The following SAXO1 variants were observed in gnomAD, a reference collection of about 807,000 sequenced individuals.
SAXO1 encodes 4930500O09Rik.
Under a neutral mutation model 17.5 loss-of-function variants are expected in SAXO1, and 21 were observed. The observed-to-expected ratio is 1.20, with a 90% confidence interval of 0.85 to 1.72. The LOEUF (loss-of-function observed/expected upper bound fraction) is 1.72. SAXO1 is among the 40% of genes most tolerant of loss of function. The pLI is 0.00. For missense variants in SAXO1, 843 were observed against 596.0 expected, an observed-to-expected ratio of 1.41 and a Z score of -4.32; for synonymous variants, 274 against 216.5, an observed-to-expected ratio of 1.27 and a Z score of -2.33.
chr9:18,935,106 C>T lies in SAXO1; in HGVS notation c.422-6051G>A, dbSNP rs1831229435. Among the ~76,000 whole-genome samples the T allele has an allele frequency of 2.6e-5, 4 of 152,000 alleles. No individual in the cohort carries two copies. The South Asian group carries it at 8.3e-4, about 32-fold the overall frequency. ...CCACACCCAGATAATTTATTGTTTT[C>T]TTTTTTTGTATTTTTACAAAAAAAT... On this transcript the variant is annotated intron_variant, in intron 3 of 3. Transcript: ENST00000380534.
intron 1 of SAXO1, among the ~76,000 whole-genome samples, chr9:19,016,111 C>T (rs1834963249): frequency 6.6e-6 from 1 of 152,164 alleles, no homozygotes; most frequent in South Asian, 2.1e-4. Context: ...AAGATCCATT[C>T]CTGTGATAAA....
At chr9:18,993,612 T>C (rs1833897147) in intron 1 of SAXO1, among the ~76,000 whole-genome samples, 1 of 152,176 alleles carries the variant, frequency 6.6e-6, no homozygotes. Flanking sequence ...AGCACAGCTT[T>C]TATTTCCATT....
chr9:19,046,103 A>AG (rs1406822108), intron 1 of SAXO1, among the ~76,000 whole-genome samples: 1 of 150,566 alleles, frequency 6.6e-6, no homozygotes, highest in Non-Finnish European at 1.5e-5. Flanking sequence ...AAAAAAAAAA[A>AG]GGAGAACATA....
At chr9:18,933,694 A>T (rs1317436965) in intron 3 of SAXO1, among the ~76,000 whole-genome samples, 1 of 152,184 alleles carries the variant, frequency 6.6e-6, no homozygotes, top group East Asian at 1.9e-4. Flanking sequence ...AAAACTGTGA[A>T]TATGCAACCA....
At chr9:18,935,073 G>A (rs753717929) in intron 3 of SAXO1, among the ~76,000 whole-genome samples, 2 of 152,030 alleles carry the variant, frequency 1.3e-5, no homozygotes, top group Non-Finnish European at 2.9e-5. Flanking sequence ...GATTACAGGC[G>A]TCCACCACCA....
At chr9:18,977,993 C>CAAAAAAAAAAA (rs371914686) in intron 1 of SAXO1, among the ~76,000 whole-genome samples, 2 of 98,652 alleles carry the variant, frequency 2.0e-5, no homozygotes, top group African/African-American at 8.4e-5. Flanking sequence ...GAGACCCTGC[C>CAAAAAAAAAAA]AAAAAAAAAA....
intron 1 of SAXO1, among the ~76,000 whole-genome samples, chr9:19,008,744 A>G (rs1421639027): frequency 6.6e-6 from 1 of 152,236 alleles, no homozygotes; most frequent in Non-Finnish European, 1.5e-5. Context: ...CTATGACGAC[A>G]CTGGATAAGA....
chr9:18,929,099 A>G, intron 3 of SAXO1, 44 bp from the exon 4 acceptor site: 1 of 1,592,422 alleles, frequency 6.3e-7, no homozygotes, highest in South Asian at 1.2e-5. Context: ...AATCAAGTCA[A>G]CCAACTTGCA....
intron 1 of SAXO1, among the ~76,000 whole-genome samples, chr9:18,966,108 T>C (rs1012381613): frequency 2.2e-4 from 33 of 152,226 alleles, no homozygotes; most frequent in African/African-American, 7.5e-4. Flanking sequence ...TCTGCAGAGA[T>C]CTGCTGTTAG....
chr9:18,989,228 C>T (rs1833708265), intron 1 of SAXO1, among the ~76,000 whole-genome samples: 3 of 152,168 alleles, frequency 2.0e-5, no homozygotes, highest in South Asian at 4.1e-4. Flanking sequence ...CAAAACAGAA[C>T]ATTCGATGCC....
rs779323254 is a variant in SAXO1, at chr9:18,928,540, A to C, written c.937T>G (p.Cys313Gly). Residue 313 changes from cysteine to glycine, a missense_variant, in exon 4 of 4, where the codon TGC becomes GGC. Physicochemically the swap from Cys to Gly is radical, Grantham distance 159. Coordinates refer to ENST00000380534, the MANE Select transcript of SAXO1 (RefSeq NM_153707.4). ...LLTTVQAHYT[C>G]PKGAPAQSCR... ...GACTGAGCTGGGGCACCCTTAGGGC[A>C]TGTGTAATGGGCCTGCACTGTTGTC... The C allele has an allele frequency of 6.2e-7, 1 of 1,614,004 alleles. No homozygotes were observed. The highest frequency in any genetic ancestry group is 2.2e-5 in the East Asian group (1 of 44,850).
chr9:18,945,782 C>T (rs1258835073), intron 2 of SAXO1, among the ~76,000 whole-genome samples: 1 of 152,190 alleles, frequency 6.6e-6, no homozygotes, highest in Non-Finnish European at 1.5e-5. Flanking sequence ...TTTCAAATGA[C>T]TTTAAAGCTC....
At chr9:18,987,810 T>C (rs772142814) in intron 1 of SAXO1, among the ~76,000 whole-genome samples, 7 of 151,880 alleles carry the variant, frequency 4.6e-5, no homozygotes, top group African/African-American at 9.7e-5. Context: ...GGTGAAAGGA[T>C]TGCTTGGGCC....
At chr9:18,955,499 T>G (rs911337019) in intron 1 of SAXO1, among the ~76,000 whole-genome samples, 1 of 152,192 alleles carries the variant, frequency 6.6e-6, no homozygotes, top group African/African-American at 2.4e-5. Context: ...CTGCAAGCAC[T>G]TGGGTACTGG....
At chr9:18,929,483 G>C (rs924309313) in intron 3 of SAXO1, among the ~76,000 whole-genome samples, 1 of 152,190 alleles carries the variant, frequency 6.6e-6, no homozygotes, top group Non-Finnish European at 1.5e-5. Context: ...ACCCACCACT[G>C]GTGGGCCACC....
upstream of SAXO1, among the ~76,000 whole-genome samples, chr9:19,036,859 G>A (rs73435316): frequency 0.02 from 3,003 of 152,248 alleles, 94 homozygotes; most frequent in African/African-American, 0.068. Context: ...GAGATCCACC[G>A]ACAAATTGCA....
intron 1 of SAXO1, among the ~76,000 whole-genome samples, chr9:19,010,463 G>T (rs1834680916): frequency 6.6e-6 from 1 of 150,710 alleles, no homozygotes; most frequent in South Asian, 2.1e-4. Flanking sequence ...ATGTAACCAG[G>T]TTCCATATTT....
chr9:18,964,671 T>C lies in SAXO1; in HGVS notation c.39-13734A>G, dbSNP rs1392989573. On this transcript the variant is annotated intron_variant, in intron 1 of 3. Coordinates refer to ENST00000380534, the MANE Select transcript of SAXO1 (RefSeq NM_153707.4). ...CTCTTTTCTTCTTTATTAGTCTGGC[T>C]AGTGGTCTACTTTGTTAATCTTTTC... Among the ~76,000 whole-genome samples, 3 of 152,332 alleles carry C rather than the reference T, an allele frequency of 2.0e-5. No homozygotes were observed. In the East Asian group the frequency reaches 5.8e-4, roughly 29 times the overall value.
intron 1 of SAXO1, among the ~76,000 whole-genome samples, chr9:18,968,512 G>T (rs1563951278): frequency 6.6e-6 from 1 of 151,850 alleles, no homozygotes; most frequent in Non-Finnish European, 1.5e-5. Context: ...GGGAGAAATA[G>T]AAAGTGAAAA....
Sources: gnomAD v4.1 joint callset for allele counts (sites outside exome capture counted in the v4.1 genomes callset) on GRCh38, gnomAD v4.1.1 for gene constraint, MANE v1.5 for transcripts, NCBI Gene and HGNC (gene_info 2026-07-23, HGNC 2026-07-21) for gene names.